SHTN1: variants seen among roughly 807,000 people sequenced by gnomAD.
SHTN1 encodes shootin-1.
SHTN1 carries 42 observed loss-of-function variants against 83.1 expected under a neutral mutation model. The ratio of observed to expected loss-of-function variants is 0.51; its 90% CI spans 0.39 to 0.65. The LOEUF (loss-of-function observed/expected upper bound fraction) is 0.65, where lower values mean the gene tolerates loss of function less well. SHTN1 is among the 30% of genes least tolerant of loss of function. The pLI is 0.00. For synonymous variants in SHTN1, 224 were observed against 247.7 expected, an observed-to-expected ratio of 0.90 and a Z score of 0.90; for missense variants, 622 against 737.8, an observed-to-expected ratio of 0.84 and a Z score of 1.82.
chr10:116,918,447 T>TA (rs1257072337), intron 12 of SHTN1, among the ~76,000 whole-genome samples: 1 of 152,118 alleles, frequency 6.6e-6, no homozygotes, highest in Non-Finnish European at 1.5e-5. Context: ...TTTCTTTCAC[T>TA]AACTTTCTTT....
chr10:117,022,154 C>T (rs1161408241), intron 2 of SHTN1, among the ~76,000 whole-genome samples: 2 of 152,098 alleles, frequency 1.3e-5, no homozygotes, highest in East Asian at 1.9e-4. Flanking sequence ...GAATCTCTAA[C>T]GTGATACACC....
At chr10:116,994,028 T>C (rs1360902631) in intron 1 of SHTN1, among the ~76,000 whole-genome samples, 3 of 152,114 alleles carry the variant, frequency 2.0e-5, no homozygotes, top group East Asian at 1.9e-4. Flanking sequence ...TAAGATATTA[T>C]GAAGTGGTAT....
chr10:116,930,692 G>A (rs1391308736), intron 9 of SHTN1, among the ~76,000 whole-genome samples: 1 of 152,162 alleles, frequency 6.6e-6, no homozygotes, highest in Non-Finnish European at 1.5e-5. Flanking sequence ...CGATGAATAT[G>A]TGTGCACGTG....
chr10:116,930,210 G>A (rs757969198), intron 9 of SHTN1, among the ~76,000 whole-genome samples: 4 of 152,086 alleles, frequency 2.6e-5, no homozygotes, highest in African/African-American at 7.2e-5. Flanking sequence ...ATTTACTGGG[G>A]AGTTACGTAC....
chr10:117,081,113 A>C (rs1469100839), intron 1 of SHTN1, among the ~76,000 whole-genome samples: 1 of 149,292 alleles, frequency 6.7e-6, no homozygotes, highest in African/African-American at 2.4e-5. Context: ...GTCTTGTGCC[A>C]GTTTTCAAAG....
intron 1 of SHTN1, among the ~76,000 whole-genome samples, chr10:116,993,958 C>T (rs1384533973): frequency 6.6e-6 from 1 of 151,994 alleles, no homozygotes; most frequent in Non-Finnish European, 1.5e-5. Context: ...TGCAAAGAAA[C>T]TAAAGATATC....
chr10:117,094,960 C>T (rs1853484692), intron 1 of SHTN1, among the ~76,000 whole-genome samples: 1 of 152,204 alleles, frequency 6.6e-6, no homozygotes, highest in Non-Finnish European at 1.5e-5. Context: ...ACGCTGACAT[C>T]GGAGACAATT....
intron 4 of SHTN1, among the ~76,000 whole-genome samples, chr10:116,958,992 T>C (rs1850082794): frequency 6.6e-6 from 1 of 151,996 alleles, no homozygotes; most frequent in South Asian, 2.1e-4. Flanking sequence ...CAAGAAAAAA[T>C]AGAGAGTATA....
chr10:116,949,019 G>A (rs377137190), intron 6 of SHTN1, 22 bp from the exon 7 acceptor site: 2 of 1,505,526 alleles, frequency 1.3e-6, no homozygotes, highest in Non-Finnish European at 1.8e-6. Flanking sequence ...AAATTTTGAG[G>A]GGAGAAAACA....
At chr10:116,926,518 G>A (rs1052404365) in intron 11 of SHTN1, among the ~76,000 whole-genome samples, 6 of 152,176 alleles carry the variant, frequency 3.9e-5, no homozygotes, top group Admixed American at 3.9e-4. Context: ...ATGGCTTAAA[G>A]TAGATTATGT....
At chr10:116,977,453 T>C (rs1330752014) in intron 2 of SHTN1, among the ~76,000 whole-genome samples, 7 of 152,208 alleles carry the variant, frequency 4.6e-5, no homozygotes, top group Non-Finnish European at 1.0e-4. Context: ...AGCTGGAAGA[T>C]AGCTGAGTAT....
At chr10:116,897,401 G>C (rs1847560995) in intron 16 of SHTN1, among the ~76,000 whole-genome samples, 1 of 152,126 alleles carries the variant, frequency 6.6e-6, no homozygotes, top group Non-Finnish European at 1.5e-5. Context: ...CATTGGCTAG[G>C]AATTACTGGG....
At chr10:117,076,907 A>G (rs763024501) in intron 1 of SHTN1, among the ~76,000 whole-genome samples, 10 of 152,202 alleles carry the variant, frequency 6.6e-5, no homozygotes, top group Admixed American at 2.6e-4. Context: ...AGTATCCATT[A>G]TTATTAATTT....
At chr10:117,072,603 G>C (rs890250496) in intron 1 of SHTN1, among the ~76,000 whole-genome samples, 26 of 152,148 alleles carry the variant, frequency 1.7e-4, no homozygotes. Flanking sequence ...GCTAGACCCA[G>C]AAGAGAGATA....
intron 2 of SHTN1, among the ~76,000 whole-genome samples, chr10:117,029,984 G>A (rs957965432): frequency 6.6e-6 from 1 of 150,422 alleles, no homozygotes; most frequent in East Asian, 2.0e-4. Flanking sequence ...CGCCTCCCAG[G>A]TTCAAGCTAT....
chr10:117,043,961 TA>T (rs2066334613), intron 2 of SHTN1, among the ~76,000 whole-genome samples: 1 of 152,206 alleles, frequency 6.6e-6, no homozygotes, highest in Non-Finnish European at 1.5e-5. Flanking sequence ...AGGGGAAATT[TA>T]AATGTTTCAA....
At chr10:116,962,729 TTTC>T (rs1203474134) in intron 3 of SHTN1, among the ~76,000 whole-genome samples, 1 of 152,192 alleles carries the variant, frequency 6.6e-6, no homozygotes, top group Non-Finnish European at 1.5e-5. Flanking sequence ...TTGCTCACAT[TTTC>T]TCCAGTTCTG....
intron 1 of SHTN1, among the ~76,000 whole-genome samples, chr10:117,085,918 A>ATTTTTTTTTTTTTTTT (rs35586223): frequency 1.7e-5 from 2 of 121,108 alleles, no homozygotes; most frequent in Non-Finnish European, 3.2e-5. Flanking sequence ...GCTTTGTCTG[A>ATTTTTTTTTTTTTTTT]TTTTTTTTTT....
At chr10:117,124,844 C>T (rs146067433) in intron 1 of SHTN1, among the ~76,000 whole-genome samples, 1 of 152,244 alleles carries the variant, frequency 6.6e-6, no homozygotes, top group East Asian at 1.9e-4. Context: ...AAGTTATTTG[C>T]CTAAGTTCAC....
Sources: gnomAD v4.1 joint callset for allele counts (sites outside exome capture counted in the v4.1 genomes callset) on GRCh38, gnomAD v4.1.1 for gene constraint, MANE v1.5 for transcripts, NCBI Gene and HGNC (gene_info 2026-07-23, HGNC 2026-07-21) for gene names.